NDUFS4: variants seen among roughly 807,000 people sequenced by gnomAD.
NDUFS4 encodes NADH:ubiquinone oxidoreductase subunit S4, also known as NADH dehydrogenase [ubiquinone] iron-sulfur protein 4, mitochondrial.
Under a neutral mutation model 24.3 loss-of-function variants are expected in NDUFS4, and 28 were observed. That is an observed-to-expected ratio of 1.15 (90% confidence interval 0.85 to 1.58). NDUFS4 has a LOEUF of 1.58. Among genes scored for constraint, NDUFS4 ranks in the 40% most tolerant of loss-of-function variants. The probability of loss-of-function intolerance (pLI) is 0.00; values close to 1 mark genes in which losing one functional copy is unlikely to be tolerated. For missense variants in NDUFS4, 223 were observed against 207.9 expected (o/e 1.07, Z -0.45); for synonymous variants, 93 against 69.7 (o/e 1.34, Z -1.67).
At chr5:53,601,909 T>G (rs1229274498) in intron 1 of NDUFS4, among the ~76,000 whole-genome samples, 2 of 152,212 alleles carry the variant, frequency 1.3e-5, no homozygotes, top group Non-Finnish European at 2.9e-5. Context: ...TCTGTTTTAT[T>G]ATTAGTTATT....
At chr5:53,628,462 G>A (rs1240525036) in intron 2 of NDUFS4, among the ~76,000 whole-genome samples, 1 of 152,168 alleles carries the variant, frequency 6.6e-6, no homozygotes, top group African/African-American at 2.4e-5. Context: ...AATGGTATGA[G>A]CTCCTCTTTG....
intron 1 of NDUFS4, among the ~76,000 whole-genome samples, chr5:53,586,096 A>G (rs1404465201): frequency 1.3e-5 from 2 of 152,028 alleles, no homozygotes; most frequent in Non-Finnish European, 2.9e-5. Flanking sequence ...TCGGAGGCCG[A>G]GGCAGGTGGA....
chr5:53,635,293 G>T (rs1200987821), intron 2 of NDUFS4, among the ~76,000 whole-genome samples: 2 of 151,022 alleles, frequency 1.3e-5, no homozygotes, highest in South Asian at 2.1e-4. Context: ...GCTGAGGCGG[G>T]TGGATTGCTG....
intron 2 of NDUFS4, among the ~76,000 whole-genome samples, chr5:53,608,331 T>C (rs924346152): frequency 9.9e-4 from 150 of 152,142 alleles, no homozygotes; most frequent in African/African-American, 3.5e-3. Flanking sequence ...TTGCTGAAGG[T>C]TGGGGTGGCT....
At chr5:53,647,272 A>T (rs1264320559) in intron 3 of NDUFS4, among the ~76,000 whole-genome samples, 1 of 152,028 alleles carries the variant, frequency 6.6e-6, no homozygotes, top group Non-Finnish European at 1.5e-5. Context: ...GAGTGCAGTG[A>T]TGTGATCCTA....
intron 4 of NDUFS4, among the ~76,000 whole-genome samples, chr5:53,677,442 G>T (rs2111596024): frequency 6.6e-6 from 1 of 152,060 alleles, no homozygotes; most frequent in South Asian, 2.1e-4. Flanking sequence ...CGAAACCTCT[G>T]TTATTTCTCC....
chr5:53,626,338 A>G (rs1327065182), intron 2 of NDUFS4, among the ~76,000 whole-genome samples: 2 of 152,150 alleles, frequency 1.3e-5, no homozygotes, highest in Non-Finnish European at 2.9e-5. Flanking sequence ...ACACTGCCGC[A>G]ATAAACATGT....
At chr5:53,636,830 A>G (rs1751569535) in intron 2 of NDUFS4, among the ~76,000 whole-genome samples, 2 of 152,132 alleles carry the variant, frequency 1.3e-5, no homozygotes, top group Non-Finnish European at 2.9e-5. Context: ...AGTATGTCGC[A>G]TCTGCCCCCT....
At chr5:53,566,857 T>TC (rs1749043835) in intron 1 of NDUFS4, among the ~76,000 whole-genome samples, 1 of 151,568 alleles carries the variant, frequency 6.6e-6, no homozygotes, top group South Asian at 2.1e-4. Flanking sequence ...GTATTTTTTT[T>TC]TTTTTTTTTG....
At chr5:53,562,878 C>T (rs1748893443) in intron 1 of NDUFS4, among the ~76,000 whole-genome samples, 1 of 151,980 alleles carries the variant, frequency 6.6e-6, no homozygotes, top group African/African-American at 2.4e-5. Flanking sequence ...CATTTCAGAT[C>T]ATTTGAATAG....
intron 1 of NDUFS4, among the ~76,000 whole-genome samples, chr5:53,564,604 A>G (rs1401420802): frequency 2.0e-5 from 3 of 152,180 alleles, no homozygotes; most frequent in African/African-American, 4.8e-5. Context: ...CAGTGGCGCA[A>G]TCTTGGCTCA....
chr5:53,648,842 T>A (rs1751938292), intron 3 of NDUFS4, among the ~76,000 whole-genome samples: 1 of 152,046 alleles, frequency 6.6e-6, no homozygotes, highest in Admixed American at 6.6e-5. Context: ...TTGAGACCAT[T>A]TTTTTTTCCT....
intron 1 of NDUFS4, among the ~76,000 whole-genome samples, chr5:53,565,595 G>T (rs1335787487): frequency 6.6e-6 from 1 of 152,206 alleles, no homozygotes; most frequent in African/African-American, 2.4e-5. Context: ...ATCAGTGATA[G>T]CCAGGTAGGC....
chr5:53,639,207 G>T (rs1437452429), intron 2 of NDUFS4, among the ~76,000 whole-genome samples: 1 of 149,060 alleles, frequency 6.7e-6, no homozygotes, highest in Non-Finnish European at 1.5e-5. Flanking sequence ...TTAATTTCTT[G>T]TAGCTTAAAC....
At chr5:53,653,053 G>A (rs1483510110) in intron 3 of NDUFS4, among the ~76,000 whole-genome samples, 3 of 151,630 alleles carry the variant, frequency 2.0e-5, no homozygotes, top group Admixed American at 2.0e-4. Context: ...TTTTTCCTCA[G>A]CTGTATTAAT....
At chr5:53,566,198 G>T (rs186931921) in intron 1 of NDUFS4, among the ~76,000 whole-genome samples, 10 of 152,176 alleles carry the variant, frequency 6.6e-5, no homozygotes, top group Admixed American at 3.3e-4. Flanking sequence ...CGGAACTTAA[G>T]GGAGAAAGAT....
chr5:53,646,764 G>A (rs1190356036), intron 3 of NDUFS4, among the ~76,000 whole-genome samples: 1 of 152,046 alleles, frequency 6.6e-6, no homozygotes, highest in East Asian at 1.9e-4. Flanking sequence ...AAGATATTTC[G>A]AGATAGAGAG....
chr5:53,586,828 C>G (rs909291782), intron 1 of NDUFS4, among the ~76,000 whole-genome samples: 4 of 151,738 alleles, frequency 2.6e-5, no homozygotes, highest in Non-Finnish European at 5.9e-5. Flanking sequence ...CAGCCTGTTT[C>G]TTCCTTTTTT....
At chr5:53,650,260 A>G (rs1417122584) in intron 3 of NDUFS4, among the ~76,000 whole-genome samples, 7 of 152,204 alleles carry the variant, frequency 4.6e-5, no homozygotes, top group African/African-American at 7.2e-5. Flanking sequence ...AAGAATATAC[A>G]TTTGAGTGGT....
Sources: allele counts gnomAD v4.1 joint callset (sites outside exome capture counted in the v4.1 genomes callset), GRCh38; gene constraint gnomAD v4.1.1; transcripts MANE v1.5; gene names NCBI Gene and HGNC (gene_info 2026-07-23, HGNC 2026-07-21).